RAD9B: variants seen among roughly 807,000 people sequenced by gnomAD.
The protein encoded by RAD9B is RAD9 checkpoint clamp component B.
Under a neutral mutation model 48.3 loss-of-function variants are expected in RAD9B, and 41 were observed. The ratio of observed to expected loss-of-function variants is 0.85; its 90% CI spans 0.66 to 1.10. The LOEUF (loss-of-function observed/expected upper bound fraction) is 1.10. Ranked by LOEUF, RAD9B falls within the 50% of genes least tolerant of loss-of-function variation. The pLI is 0.00. For missense variants in RAD9B, 444 were observed against 485.1 expected (o/e 0.92, Z 0.80); for synonymous variants, 160 against 157.9 (o/e 1.01, Z -0.10).
intron 3 of RAD9B, 90 bp from the exon 4 acceptor site, chr12:110,506,489 A>T (rs2063274507): frequency 1.6e-5 from 12 of 735,828 alleles, no homozygotes; most frequent in South Asian, 1.4e-4. Flanking sequence ...CGCCTGGCCA[A>T]GTCTGTTCAT....
chr12:110,507,376 ATATG>A (rs2063310093), intron 4 of RAD9B, among the ~76,000 whole-genome samples: 1 of 143,214 alleles, frequency 7.0e-6, no homozygotes, highest in Admixed American at 7.3e-5. Flanking sequence ...TATATATAAT[ATATG>A]TATTATATAT....
chr12:110,503,360 G>A (rs916662300), intron 1 of RAD9B: 1 of 161,684 alleles, frequency 6.2e-6, no homozygotes, highest in African/African-American at 2.4e-5. Context: ...TCAAACATCA[G>A]AGATGTATGT....
rs1427774386 is a variant in RAD9B at position 110,518,718 on chromosome 12, A to G, written c.638A>G (p.Asp213Gly). The G allele has an allele frequency of 6.2e-7, 1 of 1,611,924 alleles. No homozygotes were observed. The highest frequency in any genetic ancestry group is 1.3e-5 in the African/African-American group (1 of 75,022). ...CACAGTGAGATGTTTGTTGGCTCAG[A>G]TGAGTTTGACTTCTTTCAAATTGGA... is the stretch of plus-strand genomic sequence containing the variant. Reference protein sequence around the residue: ...AVHSEMFVGSDEFDFFQIGMD... With the variant: ...AVHSEMFVGSGEFDFFQIGMD... The change falls in exon 7 of 11, where the codon GAT (aspartate) becomes GGT (glycine). Residue 213 changes from aspartate (D) to glycine (G), a missense_variant. Asp to Gly is a moderately conservative substitution (Grantham distance 94). Transcript: ENST00000409300.
intron 5 of RAD9B, 144 bp from the exon 6 acceptor site, chr12:110,514,906 G>A (rs2063563504): frequency 7.3e-6 from 4 of 550,926 alleles, no homozygotes; most frequent in Non-Finnish European, 1.3e-5. Context: ...GTATAAGAAA[G>A]AAGGTAGGAG....
rs149045231 is a variant in RAD9B at position 110,512,687 on chromosome 12, A to G, written c.389-92A>G. 4.9e-4 allele frequency: 308 copies of G among 622,628 alleles called. No homozygotes were observed. In the East Asian group the frequency reaches 8.3e-3, roughly 17 times the overall value. The allele number at this position is 622,628 out of a possible 1,614,324, so 38.6% of individuals were successfully genotyped here. On this transcript the variant is annotated intron_variant, in intron 4 of 10. Coordinates refer to ENST00000409300, the MANE Select transcript of RAD9B (RefSeq NM_001286535.2). ...CTTGCCAGATAGTAAATGTTACTTTATTACTTTAATTTGGCTGTGAAACTT... is the reference window on the plus strand; with the variant it reads ...CTTGCCAGATAGTAAATGTTACTTTGTTACTTTAATTTGGCTGTGAAACTT...
intron 10 of RAD9B, among the ~76,000 whole-genome samples, chr12:110,529,949 G>C (rs1009167396): frequency 2.0e-5 from 3 of 152,162 alleles, no homozygotes; most frequent in African/African-American, 7.2e-5. Context: ...CAGTTCTGGT[G>C]GAAGCTTTGA....
chr12:110,519,413 TTG>T (rs1565893569), intron 8 of RAD9B, among the ~76,000 whole-genome samples: 3,840 of 145,272 alleles, frequency 0.026, 163 homozygotes, highest in African/African-American at 0.09. Context: ...CTACTGTTTG[TTG>T]TTGTTGTTGT....
intron 4 of RAD9B, among the ~76,000 whole-genome samples, chr12:110,507,390 T>C (rs1384588065): frequency 1.4e-5 from 2 of 142,912 alleles, no homozygotes; most frequent in African/African-American, 2.5e-5. Context: ...GTATTATATA[T>C]AATATATAAT....
Position 110,530,807 on chromosome 12 carries a change from A to C in RAD9B, c.*154A>C. 7.0e-7 allele frequency: 1 copy of C among 1,419,454 alleles called. No homozygotes were observed. Among genetic ancestry groups the C allele is most frequent in the Non-Finnish European group, 9.2e-7 (1 of 1,088,114 alleles). 87.9% of individuals were successfully genotyped at this position (1,419,454 alleles called of 1,614,324 possible). A position where few individuals can be genotyped will look rare whatever the true frequency, so the allele number is the denominator to read the frequency against. On this transcript the variant is annotated 3_prime_UTR_variant, in exon 11 of 11. Coordinates refer to ENST00000409300, the MANE Select transcript of RAD9B (RefSeq NM_001286535.2). ...AACCACATCATCTTGTACAACAACC[A>C]TATCTAGAAATAGCTGTTTGTCAAG...
intron 6 of RAD9B, among the ~76,000 whole-genome samples, chr12:110,518,385 T>A (rs1593082401): frequency 6.6e-6 from 1 of 152,066 alleles, no homozygotes; most frequent in Non-Finnish European, 1.5e-5. Flanking sequence ...ACAAAAAATT[T>A]ATTAATTAAC....
chr12:110,520,955 T>TC (rs1464663850), intron 9 of RAD9B, among the ~76,000 whole-genome samples: 58 of 152,098 alleles, frequency 3.8e-4, no homozygotes, highest in Non-Finnish European at 8.8e-5. Context: ...GGCTTTTTTT[T>TC]CTTTCTTAAT....
chr12:110,514,727 C>G (rs2063559310), intron 5 of RAD9B, among the ~76,000 whole-genome samples: 1 of 152,156 alleles, frequency 6.6e-6, no homozygotes, highest in Non-Finnish European at 1.5e-5. Context: ...ACAGTATGAT[C>G]TAGGGCATAA....
At chr12:110,527,956 T>C (rs970355178) in intron 10 of RAD9B, among the ~76,000 whole-genome samples, 3 of 151,920 alleles carry the variant, frequency 2.0e-5, no homozygotes, top group African/African-American at 7.3e-5. Flanking sequence ...TTGAAGGAGC[T>C]GAGGGATGGC....
intron 10 of RAD9B, among the ~76,000 whole-genome samples, chr12:110,524,999 GT>G (rs973495995): frequency 6.6e-6 from 1 of 151,354 alleles, no homozygotes; most frequent in African/African-American, 2.4e-5. Flanking sequence ...TATTTATTTG[GT>G]TTTTTTTAGA....
intron 8 of RAD9B, 143 bp downstream of exon 8, chr12:110,519,081 A>C (rs1379760161): frequency 8.2e-6 from 5 of 606,574 alleles, no homozygotes; most frequent in Admixed American, 7.0e-5. Flanking sequence ...ATTTTGAAAG[A>C]TGCTAAAACA....
chr12:110,511,700 GT>G lies in RAD9B; in HGVS notation c.389-1076del, dbSNP rs2063465202. ...ATAAGTTAGCAGCGGTGTATTCTGTGTTTCAACGTAGCTAAAAGAGAGGACT... is the reference window on the plus strand; with the variant it reads ...ATAAGTTAGCAGCGGTGTATTCTGTGTTCAACGTAGCTAAAAGAGAGGACT... On this transcript the variant is annotated intron_variant, in intron 4 of 10. Coordinates refer to ENST00000409300, the MANE Select transcript of RAD9B (RefSeq NM_001286535.2). 3 of 197,370 alleles carry G rather than the reference GT, an allele frequency of 1.5e-5. No individual in the cohort carries two copies. In the Admixed American group the frequency reaches 1.7e-4, roughly 11 times the overall value. The allele number at this position is 197,370 out of a possible 1,614,324, so 12.2% of individuals were successfully genotyped here. A position where few individuals can be genotyped will look rare whatever the true frequency, so the allele number is the denominator to read the frequency against.
At position 110,512,634 on chromosome 12, in the gene RAD9B, G is replaced by A. The variant is rs2063493087; in HGVS notation, c.389-145G>A. 5.6e-6 allele frequency: 3 copies of A among 537,824 alleles called. No homozygotes were observed. In the East Asian group the frequency reaches 9.6e-5, roughly 17 times the overall value. The allele number at this position is 537,824 out of a possible 1,614,324, so 33.3% of individuals were successfully genotyped here. ...GGGAGCGATAAACACATTTAATTAA[G>A]GAATAGTGCTTCTCCAAGGTATATG... On this transcript the variant is annotated intron_variant, in intron 4 of 10. Coordinates refer to ENST00000409300, the MANE Select transcript of RAD9B (RefSeq NM_001286535.2).
intron 10 of RAD9B, among the ~76,000 whole-genome samples, chr12:110,530,041 G>GT (rs894537043): frequency 1.3e-4 from 19 of 151,776 alleles, no homozygotes; most frequent in Admixed American, 2.0e-4. Context: ...GGAAAGGTTT[G>GT]TTTTTTTTGT....
At chr12:110,512,536 G>A (rs976831660) in intron 4 of RAD9B, among the ~76,000 whole-genome samples, 4 of 152,154 alleles carry the variant, frequency 2.6e-5, no homozygotes, top group African/African-American at 9.7e-5. Flanking sequence ...GAAACTGCTT[G>A]TATTTCAAAG....
Sources: allele counts gnomAD v4.1 joint callset (sites outside exome capture counted in the v4.1 genomes callset), GRCh38; gene constraint gnomAD v4.1.1; transcripts MANE v1.5; gene names NCBI Gene and HGNC (gene_info 2026-07-23, HGNC 2026-07-21).